The following RNF13 variants were observed in gnomAD, a reference collection of about 807,000 sequenced individuals.
RNF13 encodes the protein ring finger protein 13.
RNF13 carries 19 observed loss-of-function variants against 37.7 expected under a neutral mutation model. That is an observed-to-expected ratio of 0.50 (90% confidence interval 0.35 to 0.74). The LOEUF (loss-of-function observed/expected upper bound fraction) is 0.74, where lower values mean the gene tolerates loss of function less well. Among genes scored for constraint, RNF13 ranks in the 30% least tolerant of loss-of-function variants. The pLI, the probability that RNF13 is intolerant of heterozygous loss-of-function variation, is 0.01. For missense variants in RNF13, 375 were observed against 453.0 expected, an observed-to-expected ratio of 0.83 and a Z score of 1.56; for synonymous variants, 144 against 157.8, an observed-to-expected ratio of 0.91 and a Z score of 0.65.
At chr3:149,931,708 C>T (rs1269885044) in intron 8 of RNF13, among the ~76,000 whole-genome samples, 3 of 152,156 alleles carry the variant, frequency 2.0e-5, no homozygotes, top group African/African-American at 7.2e-5. Context: ...GGGAATAATT[C>T]AAAGCTTCTC....
intron 5 of RNF13, among the ~76,000 whole-genome samples, chr3:149,896,933 C>T (rs1017217416): frequency 6.6e-6 from 1 of 152,058 alleles, no homozygotes; most frequent in South Asian, 2.1e-4. Flanking sequence ...CCATTAAGTA[C>T]CCATAAGAAG....
chr3:149,909,448 T>TA (rs1261423696), intron 6 of RNF13, among the ~76,000 whole-genome samples: 8 of 147,688 alleles, frequency 5.4e-5, no homozygotes, highest in Non-Finnish European at 1.1e-4. Flanking sequence ...GTTAATTTTT[T>TA]TTTTTTTTTT....
At chr3:149,939,696 AT>A in intron 8 of RNF13, 3 of 805,720 alleles carry the variant, frequency 3.7e-6, no homozygotes, top group Non-Finnish European at 6.1e-6. Flanking sequence ...TTTCATCATT[AT>A]TCACCTTAAA....
chr3:149,862,207 C>T (rs924753268), intron 3 of RNF13, among the ~76,000 whole-genome samples: 3 of 151,850 alleles, frequency 2.0e-5, no homozygotes, highest in Non-Finnish European at 4.4e-5. Context: ...GTAACCAATC[C>T]CTTGTGTCAT....
At chr3:149,857,985 A>G (rs1027904706) in intron 3 of RNF13, among the ~76,000 whole-genome samples, 2 of 152,148 alleles carry the variant, frequency 1.3e-5, no homozygotes, top group African/African-American at 2.4e-5. Flanking sequence ...GCTTGATGCC[A>G]TTCTCTCTCT....
chr3:149,872,778 A>G (rs1261548182), intron 4 of RNF13, among the ~76,000 whole-genome samples: 2 of 152,206 alleles, frequency 1.3e-5, no homozygotes, highest in East Asian at 3.9e-4. Context: ...ATGGGCTATT[A>G]TTTCATGTCA....
chr3:149,942,904 T>C (rs1720412748), intron 8 of RNF13, among the ~76,000 whole-genome samples: 1 of 152,172 alleles, frequency 6.6e-6, no homozygotes, highest in South Asian at 2.1e-4. Flanking sequence ...ATTTGTGTCA[T>C]GAGATTGTTG....
At chr3:149,898,869 G>C (rs1019636038) in intron 5 of RNF13, among the ~76,000 whole-genome samples, 1 of 152,160 alleles carries the variant, frequency 6.6e-6, no homozygotes, top group Non-Finnish European at 1.5e-5. Flanking sequence ...TTTTAGATAG[G>C]GTGGTCAGAG....
chr3:149,942,316 C>CT (rs1254317721), intron 8 of RNF13, among the ~76,000 whole-genome samples: 2 of 152,218 alleles, frequency 1.3e-5, no homozygotes, highest in Middle Eastern at 3.4e-3. Flanking sequence ...AATGTTAAGT[C>CT]TTTCAATCTA....
chr3:149,855,825 A>C (rs1339462240), intron 3 of RNF13, among the ~76,000 whole-genome samples: 2 of 152,022 alleles, frequency 1.3e-5, no homozygotes, highest in Admixed American at 6.6e-5. Context: ...CCAACACTGG[A>C]TATTATCGGT....
intron 4 of RNF13, among the ~76,000 whole-genome samples, chr3:149,891,071 T>G (rs1714645158): frequency 6.6e-6 from 1 of 152,164 alleles, no homozygotes; most frequent in Admixed American, 6.5e-5. Context: ...TTACATAAGG[T>G]TAATGATCCT....
At chr3:149,928,768 G>A (rs1718899716) in intron 8 of RNF13, among the ~76,000 whole-genome samples, 1 of 152,144 alleles carries the variant, frequency 6.6e-6, no homozygotes, top group African/African-American at 2.4e-5. Flanking sequence ...GCTTTGGGTA[G>A]TCTTGACATC....
At chr3:149,923,124 A>T (rs1437678273) in intron 8 of RNF13, among the ~76,000 whole-genome samples, 1 of 152,240 alleles carries the variant, frequency 6.6e-6, no homozygotes, top group Non-Finnish European at 1.5e-5. Context: ...AAAAAAAAGT[A>T]GGAAAAAGAA....
chr3:149,911,048 T>G (rs1283855541), intron 6 of RNF13, among the ~76,000 whole-genome samples: 1 of 152,172 alleles, frequency 6.6e-6, no homozygotes. Flanking sequence ...TTTTTTTCAG[T>G]CCAGTGGTGG....
chr3:149,873,228 A>G (rs1712290723), intron 4 of RNF13, among the ~76,000 whole-genome samples: 8 of 152,234 alleles, frequency 5.3e-5, no homozygotes, highest in Admixed American at 3.9e-4. Context: ...AAGGTTTACT[A>G]CACTATTATG....
At chr3:149,844,189 A>C (rs1722429062) in intron 1 of RNF13, among the ~76,000 whole-genome samples, 1 of 152,234 alleles carries the variant, frequency 6.6e-6, no homozygotes, top group Non-Finnish European at 1.5e-5. Flanking sequence ...GTCCACATTC[A>C]GTGATTCACT....
intron 3 of RNF13, among the ~76,000 whole-genome samples, chr3:149,859,285 G>A (rs1723980125): frequency 1.3e-5 from 2 of 152,102 alleles, no homozygotes; most frequent in Non-Finnish European, 2.9e-5. Context: ...AAGATCTAAG[G>A]ACATTTTCAC....
intron 4 of RNF13, among the ~76,000 whole-genome samples, chr3:149,875,758 T>C (rs1460000531): frequency 1.3e-5 from 2 of 152,214 alleles, no homozygotes; most frequent in African/African-American, 4.8e-5. Flanking sequence ...GAACTATTGA[T>C]TACATGTCAG....
intron 8 of RNF13, among the ~76,000 whole-genome samples, chr3:149,922,276 T>G (rs1365210604): frequency 6.6e-6 from 1 of 152,150 alleles, no homozygotes; most frequent in East Asian, 1.9e-4. Flanking sequence ...CTGGCCTGTT[T>G]CCTGACTTTT....
Sources: allele counts gnomAD v4.1 joint callset (sites outside exome capture counted in the v4.1 genomes callset), GRCh38; gene constraint gnomAD v4.1.1; transcripts MANE v1.5; gene names NCBI Gene and HGNC (gene_info 2026-07-23, HGNC 2026-07-21).